ADARB2: variants seen among roughly 807,000 people sequenced by gnomAD.
The protein encoded by ADARB2 is adenosine deaminase RNA specific B2 (inactive).
In ADARB2, 25 loss-of-function variants were observed where a neutral mutation model predicts 62.2. The observed-to-expected ratio is 0.40, with a 90% CI of 0.29 to 0.56. The LOEUF is 0.56. Ranked by LOEUF, ADARB2 falls within the 20% of genes least tolerant of loss-of-function variation. ADARB2 has a pLI of 0.43. For synonymous variants in ADARB2, 572 were observed against 500.8 expected, an observed-to-expected ratio of 1.14 and a Z score of -1.90; for missense variants, 1,071 against 1,077.4, an observed-to-expected ratio of 0.99 and a Z score of 0.08.
chr10:1,543,711 T>TGTG (rs1832472885), intron 1 of ADARB2, among the ~76,000 whole-genome samples: 1 of 152,070 alleles, frequency 6.6e-6, no homozygotes, highest in Admixed American at 6.5e-5. Context: ...CGAACCATGA[T>TGTG]GTGGTGGAAT....
rs61831920 is a variant in ADARB2 at position 1,510,102 on chromosome 10, T to C, written c.101-130942A>G. Among the ~76,000 whole-genome samples the C allele has an allele frequency of 3.1e-3, 405 of 132,588 alleles. 4 individuals are homozygous for C. The highest frequency in any genetic ancestry group is 0.024 in the Admixed American group (307 of 13,050). The allele number at this position is 132,588 out of a possible 152,430, so 87.0% of individuals were successfully genotyped here. ...CTCTTTCTCTCTCTCTCTCTTTTCT[T>C]TCTTTCTCTCTTTCTTTCTTTCTTT... On this transcript the variant is annotated intron_variant, in intron 1 of 9. Coordinates refer to ENST00000381312, the MANE Select transcript of ADARB2 (RefSeq NM_018702.4).
At chr10:1,702,858 A>G (rs564357387) in intron 1 of ADARB2, among the ~76,000 whole-genome samples, 2 of 152,256 alleles carry the variant, frequency 1.3e-5, no homozygotes, top group Non-Finnish European at 2.9e-5. Flanking sequence ...AGCAGATTGC[A>G]ATGCAAGATT....
chr10:1,420,235 T>C (rs1469078175), intron 1 of ADARB2, among the ~76,000 whole-genome samples: 1 of 152,238 alleles, frequency 6.6e-6, no homozygotes, highest in East Asian at 1.9e-4. Context: ...CTTTGTTTAA[T>C]GAGCTCTTGC....
At chr10:1,466,013 T>C (rs1256502754) in intron 1 of ADARB2, among the ~76,000 whole-genome samples, 7 of 152,266 alleles carry the variant, frequency 4.6e-5, no homozygotes, top group African/African-American at 1.7e-4. Flanking sequence ...CTTTAAATTC[T>C]TTTAAACTAA....
At chr10:1,729,627 A>G (rs1232633882) in intron 1 of ADARB2, among the ~76,000 whole-genome samples, 2 of 152,340 alleles carry the variant, frequency 1.3e-5, no homozygotes, top group Admixed American at 1.3e-4. Flanking sequence ...ACTTAAACTA[A>G]TAAAACCTGC....
At chr10:1,658,790 G>A (rs1834205881) in intron 1 of ADARB2, among the ~76,000 whole-genome samples, 1 of 152,246 alleles carries the variant, frequency 6.6e-6, no homozygotes, top group Non-Finnish European at 1.5e-5. Context: ...AGCAGGACCT[G>A]CCTTTGTGTC....
intron 5 of ADARB2, among the ~76,000 whole-genome samples, chr10:1,241,393 C>T (rs889039959): frequency 5.3e-5 from 8 of 152,176 alleles, no homozygotes; most frequent in Non-Finnish European, 4.4e-5. Flanking sequence ...GCCAAAGCCC[C>T]CCAAGGTCCC....
At chr10:1,405,939 G>T (rs113620331) in intron 1 of ADARB2, among the ~76,000 whole-genome samples, 6 of 150,508 alleles carry the variant, frequency 4.0e-5, no homozygotes, top group Non-Finnish European at 8.8e-5. Context: ...TAAACCCTTC[G>T]CCAAGATACA....
chr10:1,397,748 G>A (rs575889339), intron 1 of ADARB2, among the ~76,000 whole-genome samples: 123 of 80,930 alleles, frequency 1.5e-3, no homozygotes, highest in African/African-American at 5.9e-3. Flanking sequence ...GAGGCTTCCT[G>A]GGTCACCGTC....
At chr10:1,235,290 TC>T (rs1830855431) in intron 5 of ADARB2, among the ~76,000 whole-genome samples, 1 of 131,364 alleles carries the variant, frequency 7.6e-6, no homozygotes, top group African/African-American at 2.9e-5. Flanking sequence ...GAAACGGCTT[TC>T]CTTCTGCATC....
At chr10:1,568,414 C>T (rs1045893237) in intron 1 of ADARB2, among the ~76,000 whole-genome samples, 5 of 152,242 alleles carry the variant, frequency 3.3e-5, no homozygotes, top group Non-Finnish European at 7.3e-5. Context: ...TCTCCGCAGA[C>T]ACTGGCTCCC....
At chr10:1,344,693 A>G (rs573803294) in intron 3 of ADARB2, among the ~76,000 whole-genome samples, 217 of 152,312 alleles carry the variant, frequency 1.4e-3, no homozygotes, top group African/African-American at 5.0e-3. Context: ...GAGGGTGGTC[A>G]GAGTGAAAGC....
chr10:1,425,025 C>T (rs1832883142), intron 1 of ADARB2, among the ~76,000 whole-genome samples: 2 of 152,230 alleles, frequency 1.3e-5, no homozygotes, highest in Admixed American at 1.3e-4. Context: ...AAGAGTGAGT[C>T]TCTTCTAACG....
chr10:1,316,115 T>C (rs1016069399), intron 3 of ADARB2, among the ~76,000 whole-genome samples: 2 of 152,248 alleles, frequency 1.3e-5, no homozygotes. Flanking sequence ...TTTTAAAGAC[T>C]GAGTGTGAAC....
At chr10:1,318,692 T>C (rs1220969751) in intron 3 of ADARB2, among the ~76,000 whole-genome samples, 2 of 152,226 alleles carry the variant, frequency 1.3e-5, no homozygotes, top group Non-Finnish European at 2.9e-5. Context: ...GAATGCCTTC[T>C]GTGACCTCTA....
chr10:1,574,151 C>G (rs1262982665), intron 1 of ADARB2, among the ~76,000 whole-genome samples: 1 of 152,150 alleles, frequency 6.6e-6, no homozygotes, highest in South Asian at 2.1e-4. Context: ...CCAGCTGAGC[C>G]GTCTGCTGAG....
intron 7 of ADARB2, among the ~76,000 whole-genome samples, chr10:1,215,145 C>T (rs1837217155): frequency 6.6e-6 from 1 of 152,210 alleles, no homozygotes; most frequent in Non-Finnish European, 1.5e-5. Context: ...CCTCCAGCCC[C>T]TTGGGTTTTG....
At chr10:1,418,824 GA>G (rs55695805) in intron 1 of ADARB2, among the ~76,000 whole-genome samples, 85,403 of 151,450 alleles carry the variant, frequency 0.56, 26,899 homozygotes, top group Middle Eastern at 0.77. Flanking sequence ...GGATAACTGA[GA>G]AAAAAAAAAA....
chr10:1,495,462 A>G (rs996309641), intron 1 of ADARB2, among the ~76,000 whole-genome samples: 2 of 152,240 alleles, frequency 1.3e-5, no homozygotes, highest in African/African-American at 4.8e-5. Context: ...AATAAATCCA[A>G]TACAACACTA....
Sources: allele counts gnomAD v4.1 joint callset (sites outside exome capture counted in the v4.1 genomes callset), GRCh38; gene constraint gnomAD v4.1.1; transcripts MANE v1.5; gene names NCBI Gene and HGNC (gene_info 2026-07-23, HGNC 2026-07-21).